The following CNOT9 variants were observed in gnomAD, a reference collection of about 807,000 sequenced individuals.
The protein encoded by CNOT9 is CCR4-NOT transcription complex subunit 9, also known as RCD1 required for cell differentiation1 homolog.
Under a neutral mutation model 37.4 loss-of-function variants are expected in CNOT9, and 8 were observed. The ratio of observed to expected loss-of-function variants is 0.21; its 90% CI spans 0.13 to 0.39. The LOEUF is 0.39. CNOT9 is among the 10% of genes least tolerant of loss of function. CNOT9 has a pLI of 1.00. For missense variants in CNOT9, 154 were observed against 365.3 expected (o/e 0.42, Z 4.71); for synonymous variants, 120 against 137.6 (o/e 0.87, Z 0.90).
At position 218,594,517 on chromosome 2, in the gene CNOT9, C is replaced by G; in HGVS notation, c.*241C>G. 3.8e-6 allele frequency: 2 copies of G among 532,072 alleles called. No individual in the cohort carries two copies. The highest frequency in any genetic ancestry group is 6.8e-5 in the Admixed American group (2 of 29,426). 33.0% of individuals were successfully genotyped at this position (532,072 alleles called of 1,614,324 possible). A position where few individuals can be genotyped will look rare whatever the true frequency, so the allele number is the denominator to read the frequency against. On this transcript the variant is annotated 3_prime_UTR_variant, in exon 8 of 8. Coordinates refer to ENST00000273064, the MANE Select transcript of CNOT9 (RefSeq NM_005444.3). ...GGCTCCTGACACAGCAGTCTGCCACCACAGCCCCAGGAGGGTGTCAACACC... is the reference window on the plus strand; with the variant it reads ...GGCTCCTGACACAGCAGTCTGCCACGACAGCCCCAGGAGGGTGTCAACACC...
At chr2:218,575,053 A>C (rs1694119760) in intron 1 of CNOT9, among the ~76,000 whole-genome samples, 1 of 152,212 alleles carries the variant, frequency 6.6e-6, no homozygotes, top group Non-Finnish European at 1.5e-5. Flanking sequence ...ATTATTTAAT[A>C]TAGTTCCTTC....
At chr2:218,578,284 G>T (rs1408527090) in intron 1 of CNOT9, among the ~76,000 whole-genome samples, 1 of 152,138 alleles carries the variant, frequency 6.6e-6, no homozygotes, top group African/African-American at 2.4e-5. Flanking sequence ...AACAACTTGT[G>T]GTTCTTTCTG....
chr2:218,589,943 A>G (rs561840940), intron 5 of CNOT9, among the ~76,000 whole-genome samples: 1 of 152,362 alleles, frequency 6.6e-6, no homozygotes, highest in African/African-American at 2.4e-5. Flanking sequence ...AGCAAAGCCA[A>G]TTACTGGCAA....
intron 1 of CNOT9, among the ~76,000 whole-genome samples, chr2:218,576,060 A>T (rs1392558876): frequency 6.6e-6 from 1 of 152,128 alleles, no homozygotes; most frequent in Non-Finnish European, 1.5e-5. Flanking sequence ...ATTAAATGAA[A>T]CCATGTTTTT....
chr2:218,568,994 C>G lies in CNOT9; in HGVS notation c.24+16C>G. The G allele has an allele frequency of 6.2e-7, 1 of 1,611,358 alleles. No homozygotes were observed. ...GACGGCTGCGGTGAGTGGCTGGGCC[C>G]CCAGGCTTGGAACCAGAATCCTTTC... is the stretch of plus-strand genomic sequence containing the variant. On this transcript the variant is annotated intron_variant, in intron 1 of 7. Coordinates refer to ENST00000273064, the MANE Select transcript of CNOT9 (RefSeq NM_005444.3).
At chr2:218,593,786 A>G in intron 7 of CNOT9, 2 of 1,205,616 alleles carry the variant, frequency 1.7e-6, no homozygotes, top group African/African-American at 1.5e-5. Context: ...GCCATAATCC[A>G]TATATTTCTA....
At position 218,593,472 on chromosome 2, in the gene CNOT9, A is replaced by G. The variant is rs553808983; in HGVS notation, c.732-636A>G. ...ACAAAGAAAACTAGTCTGAGTGCAA[A>G]AACTATAACTTTGTTTAAAATAGCT... is the stretch of plus-strand genomic sequence containing the variant. On this transcript the variant is annotated intron_variant, in intron 7 of 7. Transcript: ENST00000273064. 31 of 1,150,402 alleles carry G rather than the reference A, an allele frequency of 2.7e-5. No individual in the cohort carries two copies. In the East Asian group the frequency reaches 8.2e-4, roughly 31 times the overall value. The allele number at this position is 1,150,402 out of a possible 1,614,324, so 71.3% of individuals were successfully genotyped here. A position where few individuals can be genotyped will look rare whatever the true frequency, so the allele number is the denominator to read the frequency against.
At chr2:218,585,638 A>G (rs1427391322) in intron 4 of CNOT9, among the ~76,000 whole-genome samples, 1 of 41,826 alleles carries the variant, frequency 2.4e-5, no homozygotes, top group Admixed American at 3.8e-4. Flanking sequence ...TTTTTATTTT[A>G]TTTTTTTTTT....
Position 218,568,906 on chromosome 2 carries a change from GC to G in CNOT9, c.-48del, listed in dbSNP as rs1693825200. ...GCTGCAGGGGTGCTGAAGGGGGGAC[GC>G]GGGTCGGACGCGTCCGGCTGTGGAA... On this transcript the variant is annotated 5_prime_UTR_variant, in exon 1 of 8. Transcript: ENST00000273064. 6.3e-7 allele frequency: 1 copy of G among 1,590,756 alleles called. No individual in the cohort carries two copies. Among genetic ancestry groups the G allele is most frequent in the Non-Finnish European group, 8.6e-7 (1 of 1,167,868 alleles).
Position 218,583,058 on chromosome 2 carries a change from C to T in CNOT9, c.292C>T (p.Gln98Ter). Residue 98 changes from glutamine (Q) to a stop codon, truncating the protein, a stop_gained, in exon 3 of 8, where the codon CAA becomes TAA. Transcript: ENST00000273064. LOFTEE classifies it high-confidence loss of function. ...AGTTTGCAATGCTCTGGCATTACTGCAATGTGTAGCATCACATCCAGAAAC... is the reference window on the plus strand; with the variant it reads ...AGTTTGCAATGCTCTGGCATTACTGTAATGTGTAGCATCACATCCAGAAAC... ...NRVCNALALL[Q>*]CVASHPETRS... is the part of the protein sequence containing the mutation. The T allele has an allele frequency of 1.2e-6, 2 of 1,613,286 alleles. No homozygotes were observed. Among genetic ancestry groups the T allele is most frequent in the Non-Finnish European group, 1.7e-6 (2 of 1,179,268 alleles).
chr2:218,593,837 T>C (rs1185850139), intron 7 of CNOT9: 1 of 1,221,390 alleles, frequency 8.2e-7, no homozygotes, highest in Non-Finnish European at 1.1e-6. Context: ...CAGAAAGCTG[T>C]TTGAATGGAA....
chr2:218,584,482 A>G (rs1694524227), intron 3 of CNOT9, 130 bp from the exon 4 acceptor site: 3 of 751,446 alleles, frequency 4.0e-6, no homozygotes, highest in Non-Finnish European at 7.1e-6. Context: ...GACCAGTAAC[A>G]TTGTTTTCCT....
chr2:218,573,524 G>C (rs980577047), intron 1 of CNOT9, among the ~76,000 whole-genome samples: 1 of 152,084 alleles, frequency 6.6e-6, no homozygotes, highest in African/African-American at 2.4e-5. Context: ...AAAATAAACA[G>C]CTATTTTGGC....
At chr2:218,585,483 G>C (rs1490777154) in intron 4 of CNOT9, among the ~76,000 whole-genome samples, 1 of 151,118 alleles carries the variant, frequency 6.6e-6, no homozygotes, top group Non-Finnish European at 1.5e-5. Context: ...TGAGGCAGGA[G>C]AATCGCTTGA....
chr2:218,594,236 A>G lies in CNOT9; in HGVS notation c.860A>G (p.Gln287Arg). The change falls in exon 8 of 8, where the codon CAG becomes CGG. Residue 287 changes from glutamine to arginine, a missense_variant. Transcript: ENST00000273064. ...AQLVKNLQEG[Q>R]VTDPRGIPLP... Reference sequence around the variant, plus strand: ...CTGGTGAAGAACCTGCAAGAGGGCCAGGTCACCGATCCCCGGGGTATCCCC... The same window carrying G: ...CTGGTGAAGAACCTGCAAGAGGGCCGGGTCACCGATCCCCGGGGTATCCCC... 1 of 1,614,060 alleles carries G rather than the reference A, an allele frequency of 6.2e-7. No homozygotes were observed. Among genetic ancestry groups the G allele is most frequent in the Non-Finnish European group, 8.5e-7 (1 of 1,179,946 alleles).
chr2:218,587,393 G>A (rs910609440), intron 4 of CNOT9, 193 bp from the exon 5 acceptor site: 7 of 1,153,170 alleles, frequency 6.1e-6, no homozygotes, highest in Non-Finnish European at 7.5e-6. Flanking sequence ...AAAGTGCTGG[G>A]ATTACAGGTG....
intron 7 of CNOT9, chr2:218,593,514 T>C (rs1247690065): frequency 2.0e-6 from 3 of 1,473,980 alleles, no homozygotes; most frequent in Non-Finnish European, 2.7e-6. Flanking sequence ...ATAGTTAACA[T>C]TTACCTTTTT....
intron 1 of CNOT9, among the ~76,000 whole-genome samples, chr2:218,570,586 G>A (rs1452621361): frequency 2.6e-5 from 4 of 152,168 alleles, no homozygotes; most frequent in Non-Finnish European, 5.9e-5. Flanking sequence ...TGAAAGATGA[G>A]TGTGCTGCTA....
In CNOT9 at chr2:218,596,894, C is replaced by T. The variant is rs1040180873; in HGVS notation, c.*2618C>T. 5 of 152,144 alleles carry T rather than the reference C, an allele frequency of 3.3e-5. No homozygotes were observed. The highest frequency in any genetic ancestry group is 1.2e-4 in the African/African-American group (5 of 41,422). 9.4% of individuals were successfully genotyped at this position (152,144 alleles called of 1,614,324 possible). A position where few individuals can be genotyped will look rare whatever the true frequency, so the allele number is the denominator to read the frequency against. Reference sequence around the variant, plus strand: ...CACAGCTGCCCTATGCTTCCACGTTCTTTTTTCAAGAGCCTTAGAGGGCCT... The same window carrying T: ...CACAGCTGCCCTATGCTTCCACGTTTTTTTTTCAAGAGCCTTAGAGGGCCT... On this transcript the variant is annotated 3_prime_UTR_variant, in exon 8 of 8. Coordinates refer to ENST00000273064, the MANE Select transcript of CNOT9 (RefSeq NM_005444.3).
Sources: gnomAD v4.1 joint callset for allele counts (sites outside exome capture counted in the v4.1 genomes callset) on GRCh38, gnomAD v4.1.1 for gene constraint, MANE v1.5 for transcripts, NCBI Gene and HGNC (gene_info 2026-07-23, HGNC 2026-07-21) for gene names.